CCSER1: variants seen among roughly 807,000 people sequenced by gnomAD.
CCSER1 encodes the protein serine-rich coiled-coil domain-containing protein 1.
Under a neutral mutation model 82.0 loss-of-function variants are expected in CCSER1, and 41 were observed. The ratio of observed to expected loss-of-function variants is 0.50; its 90% CI spans 0.39 to 0.65. The LOEUF (loss-of-function observed/expected upper bound fraction) is 0.65. CCSER1 is among the 30% of genes least tolerant of loss of function. The pLI, the probability that CCSER1 is intolerant of heterozygous loss-of-function variation, is 0.00. For synonymous variants in CCSER1, 414 were observed against 383.9 expected (o/e 1.08, Z -0.92); for missense variants, 1,119 against 1,064.2 (o/e 1.05, Z -0.72).
At chr4:91,489,973 C>A (rs1196728280) in intron 10 of CCSER1, among the ~76,000 whole-genome samples, 1 of 152,012 alleles carries the variant, frequency 6.6e-6, no homozygotes, top group Non-Finnish European at 1.5e-5. Context: ...ATACAAACAG[C>A]AAACAAGTGT....
chr4:90,164,170 A>G (rs1017365041), intron 1 of CCSER1, among the ~76,000 whole-genome samples: 9 of 151,926 alleles, frequency 5.9e-5, no homozygotes, highest in South Asian at 2.1e-4. Flanking sequence ...GAGAACCTAC[A>G]TGAAAGCCTG....
Position 91,178,012 on chromosome 4 carries a change from C to G in CCSER1, c.2217+92018C>G, listed in dbSNP as rs112507420. 4.0e-4 allele frequency among the ~76,000 whole-genome samples: 61 copies of G among 152,254 alleles called. 2 individuals carry two copies. In the South Asian group the frequency reaches 0.012, roughly 31 times the overall value. On this transcript the variant is annotated intron_variant, in intron 10 of 10. Transcript: ENST00000509176. ...TCCCAGAGATTCTGGTATGTTGTGT[C>G]TTTGTTCTCATTGGTTTCAAAGAAC...
chr4:90,508,814 A>G (rs1199084828), intron 5 of CCSER1, among the ~76,000 whole-genome samples: 3 of 152,032 alleles, frequency 2.0e-5, no homozygotes, highest in Non-Finnish European at 1.5e-5. Flanking sequence ...AACATAATTA[A>G]GCACTTAAGC....
chr4:90,555,609 A>T, intron 5 of CCSER1, among the ~76,000 whole-genome samples: 1 of 152,048 alleles, frequency 6.6e-6, no homozygotes, highest in East Asian at 1.9e-4. Context: ...ATGAGAGAAA[A>T]GATAAAGGAC....
intron 5 of CCSER1, among the ~76,000 whole-genome samples, chr4:90,502,738 T>C (rs1257698555): frequency 6.6e-6 from 1 of 152,190 alleles, no homozygotes; most frequent in Non-Finnish European, 1.5e-5. Context: ...TATATGTATA[T>C]ATCTTGGATA....
At chr4:90,198,079 A>G (rs1736941498) in intron 1 of CCSER1, among the ~76,000 whole-genome samples, 1 of 152,150 alleles carries the variant, frequency 6.6e-6, no homozygotes, top group South Asian at 2.1e-4. Flanking sequence ...CAAAAATTTA[A>G]AAGTTAAAAA....
At chr4:90,147,066 GATTT>G (rs945552031) in intron 1 of CCSER1, among the ~76,000 whole-genome samples, 50 of 151,488 alleles carry the variant, frequency 3.3e-4, no homozygotes, top group African/African-American at 1.1e-3. Flanking sequence ...TTTGTTCAGT[GATTT>G]ATTTATTTAC....
intron 9 of CCSER1, among the ~76,000 whole-genome samples, chr4:90,947,294 G>A (rs1483160281): frequency 6.6e-6 from 1 of 152,060 alleles, no homozygotes; most frequent in East Asian, 1.9e-4. Flanking sequence ...GTATCATTTG[G>A]TAAATATGCT....
intron 10 of CCSER1, among the ~76,000 whole-genome samples, chr4:91,100,821 C>T (rs1285425475): frequency 6.6e-6 from 1 of 152,036 alleles, no homozygotes; most frequent in East Asian, 1.9e-4. Context: ...AAGAAATGAC[C>T]TCAAAGAAAC....
chr4:91,290,539 C>T (rs1397085682), intron 10 of CCSER1, among the ~76,000 whole-genome samples: 1 of 151,566 alleles, frequency 6.6e-6, no homozygotes, highest in Non-Finnish European at 1.5e-5. Context: ...AAATATGCAC[C>T]CAGTATGGTA....
Position 91,549,574 on chromosome 4 carries a change from A to G in CCSER1, c.2218-48998A>G, listed in dbSNP as rs144840103. On this transcript the variant is annotated intron_variant, in intron 10 of 10. Transcript: ENST00000509176. ...TTTGGGGGCCAGGCAAGGTGGCTCA[A>G]GTGTGTAATCCCAGCACTTTAGGAG... 3.9e-5 allele frequency among the ~76,000 whole-genome samples: 6 copies of G among 152,194 alleles called. No individual in the cohort carries two copies. In the East Asian group the frequency reaches 1.2e-3, roughly 29 times the overall value.
chr4:90,383,251 A>T (rs1749493832), intron 3 of CCSER1, among the ~76,000 whole-genome samples: 2 of 152,032 alleles, frequency 1.3e-5, no homozygotes, highest in East Asian at 1.9e-4. Flanking sequence ...GGTTAGGCTT[A>T]AAAAAAACAT....
chr4:90,704,277 T>C (rs1738816931), intron 6 of CCSER1, among the ~76,000 whole-genome samples: 1 of 152,204 alleles, frequency 6.6e-6, no homozygotes, highest in South Asian at 2.1e-4. Context: ...AAAATTCTTT[T>C]CTTTTAGAAT....
At chr4:90,795,235 C>T (rs544434757) in intron 7 of CCSER1, among the ~76,000 whole-genome samples, 13 of 149,638 alleles carry the variant, frequency 8.7e-5, no homozygotes, top group African/African-American at 2.7e-4. Flanking sequence ...TGCAGTGAGC[C>T]GAGATCGTGC....
chr4:90,749,772 A>G (rs960853983), intron 7 of CCSER1, among the ~76,000 whole-genome samples: 3 of 151,996 alleles, frequency 2.0e-5, no homozygotes, highest in Non-Finnish European at 2.9e-5. Context: ...GTGTCTTTAT[A>G]GCAGCATGAT....
chr4:90,919,638 A>C (rs1388849558), intron 8 of CCSER1, among the ~76,000 whole-genome samples: 1 of 151,918 alleles, frequency 6.6e-6, no homozygotes, highest in East Asian at 1.9e-4. Context: ...ATATATATTT[A>C]TTTGTGTTAC....
chr4:91,174,407 A>G (rs1414562354), intron 10 of CCSER1, among the ~76,000 whole-genome samples: 24 of 152,172 alleles, frequency 1.6e-4, no homozygotes, highest in Non-Finnish European at 1.5e-5. Context: ...TCCAAAAAAC[A>G]TGACAGAGAT....
At chr4:91,012,150 G>T (rs183866339) in intron 9 of CCSER1, among the ~76,000 whole-genome samples, 1 of 134,906 alleles carries the variant, frequency 7.4e-6, no homozygotes, top group Non-Finnish European at 1.7e-5. Context: ...AGGCTCAGGG[G>T]CTATGACTTC....
intron 10 of CCSER1, among the ~76,000 whole-genome samples, chr4:91,125,544 C>G (rs913975726): frequency 6.6e-6 from 1 of 151,650 alleles, no homozygotes; most frequent in Non-Finnish European, 1.5e-5. Flanking sequence ...GAAGATATTT[C>G]TTACCTATCT....
Sources: gnomAD v4.1 joint callset for allele counts (sites outside exome capture counted in the v4.1 genomes callset) on GRCh38, gnomAD v4.1.1 for gene constraint, MANE v1.5 for transcripts, NCBI Gene and HGNC (gene_info 2026-07-23, HGNC 2026-07-21) for gene names.